The following THEMIS variants were observed in gnomAD, a reference collection of about 807,000 sequenced individuals.
The protein encoded by THEMIS is protein THEMIS.
A neutral mutation model predicts 52.6 loss-of-function variants in THEMIS; 37 were observed. The observed-to-expected ratio is 0.70, with a 90% CI of 0.54 to 0.93. The LOEUF is 0.93. Among genes scored for constraint, THEMIS ranks in the 40% least tolerant of loss-of-function variants. The pLI is 0.00. For synonymous variants in THEMIS, 292 were observed against 272.7 expected, an observed-to-expected ratio of 1.07 and a Z score of -0.70; for missense variants, 808 against 763.1, an observed-to-expected ratio of 1.06 and a Z score of -0.69.
Position 127,874,446 on chromosome 6 carries a change from G to A in THEMIS, c.92-19258C>T, listed in dbSNP as rs150202301. On this transcript the variant is annotated intron_variant, in intron 1 of 5. Coordinates refer to ENST00000368248, the MANE Select transcript of THEMIS (RefSeq NM_001010923.3). ...TTGTGTATATTTTATGGTAGTATACGATAAAATAGATTAGTAGCTACATAT... is the reference window on the plus strand; with the variant it reads ...TTGTGTATATTTTATGGTAGTATACAATAAAATAGATTAGTAGCTACATAT... Among the ~76,000 whole-genome samples, 8 of 152,146 alleles carry A rather than the reference G, an allele frequency of 5.3e-5. No homozygotes were observed. The East Asian group carries it at 9.6e-4, about 18-fold the overall frequency.
chr6:127,760,917 A>C (rs1180932290), intron 4 of THEMIS, among the ~76,000 whole-genome samples: 1 of 152,186 alleles, frequency 6.6e-6, no homozygotes, highest in Non-Finnish European at 1.5e-5. Flanking sequence ...TGACACCAAA[A>C]GTACAGTCAG....
chr6:127,709,994 A>G lies in THEMIS; in HGVS notation c.1917T>C (p.His639=). The G allele has an allele frequency of 2.5e-6, 4 of 1,587,728 alleles. No homozygotes were observed. In the South Asian group the frequency reaches 3.5e-5, roughly 14 times the overall value. The stretch of plus-strand genomic sequence containing the variant: ...CTTCTGTCACATCTTGTTATTTTTG[A>G]TGTTTTTCATTTTTGAATGTTTCTA... The part of the protein sequence containing the change: ...AIAETFKNEK[H]QK The change falls in exon 6 of 6, where the codon CAT becomes CAC. Residue 639 remains histidine, a synonymous_variant. Coordinates refer to ENST00000368248, the MANE Select transcript of THEMIS (RefSeq NM_001010923.3).
intron 4 of THEMIS, among the ~76,000 whole-genome samples, chr6:127,729,195 TCTCTC>T (rs1774665336): frequency 1.6e-5 from 2 of 123,376 alleles, no homozygotes; most frequent in African/African-American, 6.8e-5. Flanking sequence ...TCTCTCTCTC[TCTCTC>T]TCTTCACTCA....
At chr6:127,885,395 G>A (rs1780613515) in intron 1 of THEMIS, among the ~76,000 whole-genome samples, 1 of 151,970 alleles carries the variant, frequency 6.6e-6, no homozygotes, top group African/African-American at 2.4e-5. Flanking sequence ...TTTCTGAGTG[G>A]TGAGTTATAC....
At chr6:127,877,557 A>G (rs769386807) in intron 1 of THEMIS, among the ~76,000 whole-genome samples, 1 of 152,186 alleles carries the variant, frequency 6.6e-6, no homozygotes, top group Non-Finnish European at 1.5e-5. Flanking sequence ...GGCAGACACA[A>G]GGAGAGGAAG....
chr6:127,774,682 C>T (rs537235075), intron 4 of THEMIS, among the ~76,000 whole-genome samples: 4 of 152,228 alleles, frequency 2.6e-5, no homozygotes, highest in South Asian at 2.1e-4. Flanking sequence ...ACACTTAGTC[C>T]GCTAGCCAAG....
At chr6:127,797,841 G>A (rs1391586561) in intron 4 of THEMIS, among the ~76,000 whole-genome samples, 1 of 152,218 alleles carries the variant, frequency 6.6e-6, no homozygotes, top group East Asian at 1.9e-4. Context: ...CAAGATGGGA[G>A]ACTAGCTAAT....
the THEMIS span, among the ~76,000 whole-genome samples, chr6:127,700,872 C>T: frequency 6.6e-6 from 1 of 151,874 alleles, no homozygotes; most frequent in Non-Finnish European, 1.5e-5. Context: ...AAAACATGTA[C>T]TACGTATACA....
At chr6:127,729,114 T>A (rs918760168) in intron 4 of THEMIS, among the ~76,000 whole-genome samples, 5 of 136,750 alleles carry the variant, frequency 3.7e-5, no homozygotes, top group African/African-American at 1.3e-4. Context: ...ATCCTCAATT[T>A]CCATTCTACT....
rs577589657 is a variant in THEMIS, at chr6:127,732,021, T to C, written c.1759-12198A>G. ...TTGCCTGGCCATTTTTTTTTTTAAC[T>C]CGTAAGAGTTAACATTAATTTTGGT... On this transcript the variant is annotated intron_variant, in intron 4 of 5. Transcript: ENST00000368248. 7.3e-5 allele frequency among the ~76,000 whole-genome samples: 11 copies of C among 150,724 alleles called. No individual in the cohort carries two copies. The East Asian group carries it at 2.1e-3, about 29-fold the overall frequency.
chr6:127,703,327 G>A (rs1250602694), downstream of THEMIS, among the ~76,000 whole-genome samples: 1 of 152,106 alleles, frequency 6.6e-6, no homozygotes, highest in Non-Finnish European at 1.5e-5. Context: ...GATTACAGGC[G>A]TGAGACACCG....
At chr6:127,839,571 C>G (rs1778977807) in intron 2 of THEMIS, among the ~76,000 whole-genome samples, 1 of 151,962 alleles carries the variant, frequency 6.6e-6, no homozygotes, top group African/African-American at 2.4e-5. Context: ...GGTGGAGTCA[C>G]AGATCACTGC....
At chr6:127,797,337 C>G (rs1337578633) in intron 4 of THEMIS, among the ~76,000 whole-genome samples, 2 of 152,060 alleles carry the variant, frequency 1.3e-5, no homozygotes, top group African/African-American at 2.4e-5. Flanking sequence ...GTTTCTTTGA[C>G]TAAGGCTAAG....
At chr6:127,753,308 A>G (rs1267487236) in intron 4 of THEMIS, among the ~76,000 whole-genome samples, 2 of 152,074 alleles carry the variant, frequency 1.3e-5, no homozygotes, top group Non-Finnish European at 2.9e-5. Flanking sequence ...TAAATTCAGT[A>G]AATACGTGGA....
At chr6:127,841,034 C>T (rs1224433566) in intron 2 of THEMIS, among the ~76,000 whole-genome samples, 1 of 151,968 alleles carries the variant, frequency 6.6e-6, no homozygotes, top group Non-Finnish European at 1.5e-5. Flanking sequence ...ATGTGTCATT[C>T]TACATTTATC....
intron 4 of THEMIS, among the ~76,000 whole-genome samples, chr6:127,729,387 C>G (rs992314411): frequency 3.3e-5 from 5 of 152,150 alleles, no homozygotes; most frequent in South Asian, 2.1e-4. Context: ...ATATTTCAAG[C>G]CTTTTTCTCT....
At chr6:127,758,986 A>C (rs1038469661) in intron 4 of THEMIS, among the ~76,000 whole-genome samples, 4 of 152,140 alleles carry the variant, frequency 2.6e-5, no homozygotes, top group Non-Finnish European at 5.9e-5. Flanking sequence ...TAGACATGTC[A>C]AGAAGTCTGG....
intron 4 of THEMIS, among the ~76,000 whole-genome samples, chr6:127,768,785 G>T (rs971726882): frequency 1.3e-4 from 20 of 152,144 alleles, no homozygotes; most frequent in African/African-American, 4.3e-4. Flanking sequence ...CAGTTACCTC[G>T]ATGTAGCTGG....
At chr6:127,849,820 G>A (rs990080135) in intron 2 of THEMIS, among the ~76,000 whole-genome samples, 1 of 151,910 alleles carries the variant, frequency 6.6e-6, no homozygotes, top group Non-Finnish European at 1.5e-5. Flanking sequence ...AATTATTCTG[G>A]AAATGAGCTT....
Sources: allele counts gnomAD v4.1 joint callset (sites outside exome capture counted in the v4.1 genomes callset), GRCh38; gene constraint gnomAD v4.1.1; transcripts MANE v1.5; gene names NCBI Gene and HGNC (gene_info 2026-07-23, HGNC 2026-07-21).